DDX27: variants seen among roughly 807,000 people sequenced by gnomAD.
DDX27 encodes probable ATP-dependent RNA helicase DDX27.
Under a neutral mutation model 99.3 loss-of-function variants are expected in DDX27, and 42 were observed. The observed-to-expected ratio is 0.42, with a 90% CI of 0.33 to 0.55. The LOEUF is 0.55. Among genes scored for constraint, DDX27 ranks in the 20% least tolerant of loss-of-function variants. DDX27 has a pLI of 0.07. For synonymous variants in DDX27, 329 were observed against 353.8 expected, an observed-to-expected ratio of 0.93 and a Z score of 0.79; for missense variants, 798 against 976.8, an observed-to-expected ratio of 0.82 and a Z score of 2.44.
At chr20:49,219,901 C>T (rs541985548) in intron 1 of DDX27, among the ~76,000 whole-genome samples, 1 of 152,248 alleles carries the variant, frequency 6.6e-6, no homozygotes, top group Admixed American at 6.5e-5. Context: ...GTATGTTCAT[C>T]GAGCCAGTGT....
Position 49,230,150 on chromosome 20 carries a change from C to A in DDX27, c.881-49C>A. 1.9e-6 allele frequency: 3 copies of A among 1,568,242 alleles called. No individual in the cohort carries two copies. In the East Asian group the frequency reaches 6.7e-5, roughly 35 times the overall value. On this transcript the variant is annotated intron_variant, in intron 8 of 20. Transcript: ENST00000618172. ...TGAGTGGCTGGTGCTCAGTCAACAC[C>A]CATGAGCAGCTGACCTGGCCGCCTG...
chr20:49,242,527 G>T, intron 18 of DDX27, 67 bp from the exon 19 acceptor site: 1 of 1,477,060 alleles, frequency 6.8e-7, no homozygotes, highest in South Asian at 1.2e-5. Context: ...TCATTACCTT[G>T]AACTTAAGGG....
intron 1 of DDX27, among the ~76,000 whole-genome samples, chr20:49,220,282 A>G (rs555220725): frequency 7.4e-4 from 112 of 152,224 alleles, no homozygotes; most frequent in African/African-American, 2.6e-3. Flanking sequence ...GTGCTCTGCA[A>G]GCTAGCTCAT....
intron 2 of DDX27, 152 bp downstream of exon 2, chr20:49,221,750 G>C: frequency 9.8e-5 from 50 of 511,490 alleles, no homozygotes; most frequent in Middle Eastern, 5.9e-4. Context: ...AAAAACAAAA[G>C]AAAATATCTG....
chr20:49,241,422 TG>T (rs568018855), intron 16 of DDX27, among the ~76,000 whole-genome samples: 1 of 152,038 alleles, frequency 6.6e-6, no homozygotes, highest in Non-Finnish European at 1.5e-5. Flanking sequence ...CAAAAAAGCA[TG>T]TTATTTAGTG....
Position 49,241,879 on chromosome 20 carries a change from T to C in DDX27, c.1898-14T>C. 2 of 1,613,322 alleles carry C rather than the reference T, an allele frequency of 1.2e-6. No individual in the cohort carries two copies. The highest frequency in any genetic ancestry group is 1.7e-6 in the Non-Finnish European group (2 of 1,179,238). On this transcript the variant is annotated splice_polypyrimidine_tract_variant and intron_variant, in intron 16 of 20. Coordinates refer to ENST00000618172, the MANE Select transcript of DDX27 (RefSeq NM_017895.8). ...AAATCATCCCTGAAATCTTATGCTT[T>C]CTTCTCATCCCAGTTGCCAAAGCTC...
At chr20:49,238,837 T>C in intron 14 of DDX27, 112 bp from the exon 15 acceptor site, 7 of 566,880 alleles carry the variant, frequency 1.2e-5, no homozygotes, top group Non-Finnish European at 2.1e-5. Flanking sequence ...CTCAAATTCC[T>C]GGGCTCAAGC....
At position 49,223,435 on chromosome 20, in the gene DDX27, T is replaced by C. The variant is rs1979765959; in HGVS notation, c.466+2T>C. 1.9e-6 allele frequency: 3 copies of C among 1,606,198 alleles called. No individual in the cohort carries two copies. The highest frequency in any genetic ancestry group is 2.5e-6 in the Non-Finnish European group (3 of 1,177,594). On this transcript the variant is annotated splice_donor_variant, in intron 4 of 20. Transcript: ENST00000618172. LOFTEE classifies it high-confidence loss of function. ...ATGAGAACATCCTCACCAAAGCAGGTAGACGTTACGGCGGAGGTGTCAGTA... is the reference window on the plus strand; with the variant it reads ...ATGAGAACATCCTCACCAAAGCAGGCAGACGTTACGGCGGAGGTGTCAGTA...
chr20:49,233,544 G>A, intron 10 of DDX27, 24 bp from the exon 11 acceptor site: 3 of 1,608,602 alleles, frequency 1.9e-6, no homozygotes, highest in Non-Finnish European at 2.6e-6. Context: ...GAGAGCTGAG[G>A]AAACCTGGCT....
chr20:49,239,045 C>T lies in DDX27; in HGVS notation c.1784C>T (p.Ser595Leu), dbSNP rs750640552. ...LEAEEKEMQQ[S>L]EAQINTAKRL... ...GCGGAGGAAAAAGAGATGCAGCAGT[C>T]AGAAGCCCAGGTGAGGCTGCGAGGC... The change falls in exon 15 of 21, where the codon TCA (serine) becomes TTA (leucine). Residue 595 changes from serine (S) to leucine (L), a missense_variant. Transcript: ENST00000618172. 26 of 1,613,420 alleles carry T rather than the reference C, an allele frequency of 1.6e-5. No homozygotes were observed. Among genetic ancestry groups the T allele is most frequent in the Non-Finnish European group, 1.8e-5 (21 of 1,179,506 alleles).
At chr20:49,228,609 C>T in intron 7 of DDX27, 106 bp from the exon 8 acceptor site, 4 of 1,124,160 alleles carry the variant, frequency 3.6e-6, no homozygotes. Flanking sequence ...AAATAAGTTC[C>T]TTTATTTTCC....
rs1169342156 is a variant in DDX27, at chr20:49,233,582, T to G, written c.1146T>G (p.Ala382=). The G allele has an allele frequency of 6.2e-7, 1 of 1,613,226 alleles. No individual in the cohort carries two copies. Among genetic ancestry groups the G allele is most frequent in the Admixed American group, 1.7e-5 (1 of 59,990 alleles). ...GTGCTTGGCAGGTGAAAGATCTGGC[T>G]TCTGTCTCCTTGAAGAATCCTGTCC... The part of the protein sequence containing the change: ...ATMTDEVKDL[A]SVSLKNPVRI... Residue 382 remains alanine, a synonymous_variant, in exon 11 of 21, where the codon GCT becomes GCG. Coordinates refer to ENST00000618172, the MANE Select transcript of DDX27 (RefSeq NM_017895.8).
Position 49,236,332 on chromosome 20 carries a change from G to C in DDX27, c.1510-1G>C. 2.5e-6 allele frequency: 4 copies of C among 1,576,526 alleles called. No homozygotes were observed. The highest frequency in any genetic ancestry group is 3.5e-6 in the Non-Finnish European group (4 of 1,158,020). Reference sequence around the variant, plus strand: ...CCTGACGTTCATTTTTGACCTTCTAGGTAATCAACTTCACAATGCCTAATA... The same window carrying C: ...CCTGACGTTCATTTTTGACCTTCTACGTAATCAACTTCACAATGCCTAATA... On this transcript the variant is annotated splice_acceptor_variant, in intron 13 of 20. Coordinates refer to ENST00000618172, the MANE Select transcript of DDX27 (RefSeq NM_017895.8). LOFTEE classifies it high-confidence loss of function. This position sits in a 1 kb window ranked among gnomAD's most constrained non-coding sequence, Gnocchi z 4.1.
Position 49,223,020 on chromosome 20 carries a change from A to G in DDX27, c.300+4A>G, listed in dbSNP as rs1979746891. 8 of 1,612,798 alleles carry G rather than the reference A, an allele frequency of 5.0e-6. No individual in the cohort carries two copies. Among genetic ancestry groups the G allele is most frequent in the Middle Eastern group, 1.6e-4 (1 of 6,084 alleles). On this transcript the variant is annotated splice_donor_region_variant and intron_variant, in intron 3 of 20. Coordinates refer to ENST00000618172, the MANE Select transcript of DDX27 (RefSeq NM_017895.8). ...TCGAAAGAAAAGGAAAACAGAGGTG[A>G]GAAGAAAAGTGGCTATTTTTCGTTG...
At chr20:49,234,902 ACAGCTGC>A in intron 11 of DDX27, 26 bp from the exon 12 acceptor site, 1 of 1,555,094 alleles carries the variant, frequency 6.4e-7, no homozygotes, top group Non-Finnish European at 8.7e-7. Flanking sequence ...GAGCCTAGAA[ACAGCTGC>A]CAGCTCAGTC....
At chr20:49,239,507 A>G (rs1379505413) in intron 16 of DDX27, among the ~76,000 whole-genome samples, 169 bp downstream of exon 16, 2 of 152,200 alleles carry the variant, frequency 1.3e-5, no homozygotes. Context: ...GGGTTGCATT[A>G]GATTCTCATA....
chr20:49,242,510 C>T, intron 18 of DDX27, 84 bp from the exon 19 acceptor site: 6 of 1,354,630 alleles, frequency 4.4e-6, no homozygotes, highest in Non-Finnish European at 6.3e-6. Context: ...ATCCACTGAA[C>T]TTGGAATCAT....
chr20:49,230,263 C>T lies in DDX27; in HGVS notation c.945C>T (p.Thr315=). ...LRAAPDILIA[T]PGRLIDHLHN... is the part of the protein sequence containing the mutation. ...CAGCGCCTGACATCCTCATCGCCAC[C>T]CCAGGCCGGCTCATCGATCACCTCC... is the stretch of plus-strand genomic sequence containing the variant. The change falls in exon 9 of 21, where the codon ACC becomes ACT. Residue 315 remains threonine, a synonymous_variant. Coordinates refer to ENST00000618172, the MANE Select transcript of DDX27 (RefSeq NM_017895.8). The T allele has an allele frequency of 6.2e-7, 1 of 1,613,382 alleles. No individual in the cohort carries two copies. The highest frequency in any genetic ancestry group is 8.5e-7 in the Non-Finnish European group (1 of 1,180,024).
At chr20:49,243,746 A>G (rs1262266973) in intron 20 of DDX27, 43 bp downstream of exon 20, 3 of 1,613,822 alleles carry the variant, frequency 1.9e-6, no homozygotes, top group Non-Finnish European at 2.5e-6. Context: ...TTGGGATTAG[A>G]GATAAAAACC....
Sources: gnomAD v4.1 joint callset for allele counts (sites outside exome capture counted in the v4.1 genomes callset) on GRCh38, gnomAD v4.1.1 for gene constraint, Gnocchi (gnomAD v3.1) non-coding constraint, MANE v1.5 for transcripts, NCBI Gene and HGNC (gene_info 2026-07-23, HGNC 2026-07-21) for gene names.